Variants in ZNF438 observed in about 807,000 individuals in gnomAD.
The protein encoded by ZNF438 is zinc finger protein 438.
In ZNF438, 25 loss-of-function variants were observed where a neutral mutation model predicts 38.0. The observed-to-expected ratio is 0.66, with a 90% CI of 0.48 to 0.92. The LOEUF is 0.92. ZNF438 is among the 40% of genes least tolerant of loss of function. ZNF438 has a pLI of 0.00. For synonymous variants in ZNF438, 372 were observed against 364.1 expected, an observed-to-expected ratio of 1.02 and a Z score of -0.25; for missense variants, 1,007 against 999.6, an observed-to-expected ratio of 1.01 and a Z score of -0.10.
chr10:30,975,427 C>T (rs1564774672), intron 1 of ZNF438, among the ~76,000 whole-genome samples: 1 of 152,168 alleles, frequency 6.6e-6, no homozygotes, highest in South Asian at 2.1e-4. Context: ...CTAAGTGCCA[C>T]GCCCTGTGTT....
chr10:31,002,301 T>C (rs1260163146), intron 1 of ZNF438, among the ~76,000 whole-genome samples: 1 of 152,254 alleles, frequency 6.6e-6, no homozygotes, highest in South Asian at 2.1e-4. Flanking sequence ...TTTACTTATG[T>C]ATTAAAACTT....
At chr10:30,877,346 G>A (rs947991783) in intron 3 of ZNF438, among the ~76,000 whole-genome samples, 3 of 152,136 alleles carry the variant, frequency 2.0e-5, no homozygotes, top group Non-Finnish European at 4.4e-5. Context: ...TGTGTAAGTA[G>A]GCAAAGTTAG....
At chr10:30,978,833 T>G (rs1278354495) in intron 1 of ZNF438, among the ~76,000 whole-genome samples, 3 of 152,234 alleles carry the variant, frequency 2.0e-5, no homozygotes, top group Non-Finnish European at 4.4e-5. Context: ...GAACATTGGC[T>G]TCAAGTCACC....
intron 2 of ZNF438, among the ~76,000 whole-genome samples, chr10:30,926,894 A>G (rs1005123280): frequency 6.6e-6 from 1 of 152,218 alleles, no homozygotes; most frequent in Non-Finnish European, 1.5e-5. Flanking sequence ...AGAGGGACTC[A>G]GCCTTGTTGC....
chr10:31,030,653 T>C (rs1349222869), intron 1 of ZNF438, among the ~76,000 whole-genome samples: 1 of 152,222 alleles, frequency 6.6e-6, no homozygotes, highest in South Asian at 2.1e-4. Flanking sequence ...TCAAAGGCTC[T>C]TCCTACCTGG....
chr10:30,875,007 A>G (rs528055281), intron 4 of ZNF438, among the ~76,000 whole-genome samples: 94 of 152,288 alleles, frequency 6.2e-4, no homozygotes, highest in African/African-American at 1.9e-3. Flanking sequence ...AGTTGTAGGT[A>G]GAATGATTAT....
chr10:30,849,651 A>T, exon 5 of ZNF438: 1 of 1,614,170 alleles, frequency 6.2e-7, no homozygotes, highest in Non-Finnish European at 8.5e-7. Flanking sequence ...GCAACAGCAG[A>T]AGGTTTACTA....
chr10:31,001,686 T>C (rs1015062208), intron 1 of ZNF438, among the ~76,000 whole-genome samples: 1 of 152,218 alleles, frequency 6.6e-6, no homozygotes, highest in African/African-American at 2.4e-5. Context: ...TTACAAAATT[T>C]TGCCATAAGT....
At chr10:30,988,103 T>C (rs959456254) in intron 1 of ZNF438, among the ~76,000 whole-genome samples, 2 of 152,132 alleles carry the variant, frequency 1.3e-5, no homozygotes, top group African/African-American at 4.8e-5. Context: ...TTTTATTGAA[T>C]AAAGGTGCTG....
chr10:30,967,150 T>A (rs1231508474), intron 1 of ZNF438, among the ~76,000 whole-genome samples: 2 of 152,226 alleles, frequency 1.3e-5, no homozygotes, highest in Non-Finnish European at 2.9e-5. Context: ...CCCATTCTTA[T>A]GCTCCATGGC....
chr10:30,876,963 G>T (rs1235525678), intron 4 of ZNF438, 35 bp downstream of exon 5: 4 of 1,576,878 alleles, frequency 2.5e-6, no homozygotes, highest in Non-Finnish European at 3.5e-6. Context: ...AACTATAACA[G>T]ACTCATCACC....
At chr10:30,878,550 G>A (rs149889141) in intron 3 of ZNF438, among the ~76,000 whole-genome samples, 2 of 152,224 alleles carry the variant, frequency 1.3e-5, no homozygotes, top group East Asian at 3.9e-4. Context: ...ACAAGGGCTT[G>A]GGACCCACTG....
At chr10:30,947,144 GA>G (rs1204746936) in intron 1 of ZNF438, among the ~76,000 whole-genome samples, 1 of 152,248 alleles carries the variant, frequency 6.6e-6, no homozygotes, top group Non-Finnish European at 1.5e-5. Context: ...TTGCCAAAGT[GA>G]CAGAAATGTG....
In ZNF438 at chr10:30,848,901, T is replaced by C. The variant is rs769949229; in HGVS notation, c.1504A>G (p.Ile502Val). The C allele has an allele frequency of 3.1e-6, 5 of 1,614,222 alleles. No individual in the cohort carries two copies. In the East Asian group the frequency reaches 1.1e-4, roughly 36 times the overall value. ...TGACATCTGTGCCAAGGCTTCTTAA[T>C]GCCAGAGAATCCATTTCTGAACACG... The change falls in exon 5 of 6, where the codon ATT becomes GTT. Residue 502 changes from isoleucine (I) to valine (V), a missense_variant. Coordinates refer to ENST00000413025, the Ensembl canonical transcript of ZNF438.
intron 3 of ZNF438, among the ~76,000 whole-genome samples, chr10:30,878,830 T>C (rs987940108): frequency 6.6e-6 from 1 of 152,090 alleles, no homozygotes; most frequent in African/African-American, 2.4e-5. Context: ...CTTGCTCACG[T>C]GCTCCCTCCT....
At chr10:30,845,133 G>A in exon 6 of ZNF438, 1 of 1,614,180 alleles carries the variant, frequency 6.2e-7, no homozygotes, top group Non-Finnish European at 8.5e-7. Context: ...GCCTGAATGG[G>A]ACCACAAGAG....
At chr10:30,929,627 T>C (rs1352962578) in intron 2 of ZNF438, among the ~76,000 whole-genome samples, 1 of 152,226 alleles carries the variant, frequency 6.6e-6, no homozygotes, top group Admixed American at 6.5e-5. Context: ...CTGGCTGCGG[T>C]AGCCTGCTTT....
intron 4 of ZNF438, among the ~76,000 whole-genome samples, chr10:30,858,150 C>A (rs1384791758): frequency 6.6e-6 from 1 of 152,226 alleles, no homozygotes; most frequent in African/African-American, 2.4e-5. Flanking sequence ...CCCCCTGGAT[C>A]CAGGCTCACG....
At chr10:30,879,661 A>G (rs951990856) in intron 3 of ZNF438, among the ~76,000 whole-genome samples, 4 of 152,350 alleles carry the variant, frequency 2.6e-5, no homozygotes, top group Non-Finnish European at 5.9e-5. Context: ...GATAAAAACT[A>G]TAATGTATAA....
Sources: gnomAD v4.1 joint callset for allele counts (sites outside exome capture counted in the v4.1 genomes callset) on GRCh38, gnomAD v4.1.1 for gene constraint, MANE v1.5 for transcripts, NCBI Gene and HGNC (gene_info 2026-07-23, HGNC 2026-07-21) for gene names.